Variants in SCHIP1 observed in about 807,000 individuals in gnomAD.
The protein encoded by SCHIP1 is schwannomin-interacting protein 1.
Under a neutral mutation model 29.7 loss-of-function variants are expected in SCHIP1, and 8 were observed. That is an observed-to-expected ratio of 0.27 (90% confidence interval 0.16 to 0.49). The LOEUF (loss-of-function observed/expected upper bound fraction) is 0.49, where lower values mean the gene tolerates loss of function less well. Ranked by LOEUF, SCHIP1 falls within the 20% of genes least tolerant of loss-of-function variation. The probability of loss-of-function intolerance (pLI) is 0.99; values close to 1 mark genes in which losing one functional copy is unlikely to be tolerated. For synonymous variants in SCHIP1, 76 were observed against 94.9 expected (o/e 0.80, Z 1.16); for missense variants, 193 against 294.6 (o/e 0.66, Z 2.52).
At chr3:159,866,448 C>T (rs1227388162) in intron 2 of SCHIP1, among the ~76,000 whole-genome samples, 167 bp downstream of exon 3, 3 of 151,916 alleles carry the variant, frequency 2.0e-5, no homozygotes, top group African/African-American at 7.3e-5. Flanking sequence ...ACTTGTTTGT[C>T]GGTTTCTTTG....
the SCHIP1 span, among the ~76,000 whole-genome samples, chr3:159,392,812 C>A: frequency 6.6e-6 from 1 of 152,246 alleles, no homozygotes; most frequent in African/African-American, 2.4e-5. Flanking sequence ...ATTTGTAGTC[C>A]TTTGGGTATA....
the SCHIP1 span, among the ~76,000 whole-genome samples, chr3:159,809,848 A>G: frequency 1.3e-5 from 2 of 152,056 alleles, no homozygotes; most frequent in Non-Finnish European, 2.9e-5. Context: ...AAAAAATACA[A>G]AAATTAGCTG....
chr3:159,605,662 A>C, the SCHIP1 span, among the ~76,000 whole-genome samples: 2 of 152,246 alleles, frequency 1.3e-5, no homozygotes, highest in African/African-American at 2.4e-5. Context: ...GGAAGAAAAA[A>C]ACAGCTACGT....
chr3:159,866,370 C>G, intron 2 of SCHIP1, 89 bp downstream of exon 3: 1 of 1,323,608 alleles, frequency 7.6e-7, no homozygotes, highest in Admixed American at 2.3e-5. Context: ...TTTAAATCTT[C>G]TGTAGTTTTT....
the SCHIP1 span, among the ~76,000 whole-genome samples, chr3:159,411,169 G>T: frequency 6.6e-6 from 1 of 152,030 alleles, no homozygotes; most frequent in Non-Finnish European, 1.5e-5. Flanking sequence ...TAATTAATAG[G>T]TTCAAAAATA....
At chr3:159,288,817 A>C in the SCHIP1 span, among the ~76,000 whole-genome samples, 1 of 152,214 alleles carries the variant, frequency 6.6e-6, no homozygotes, top group East Asian at 1.9e-4. Flanking sequence ...TGAACTGGCA[A>C]GGTGAATGGG....
the SCHIP1 span, among the ~76,000 whole-genome samples, chr3:159,525,507 C>A: frequency 2.0e-5 from 3 of 152,310 alleles, no homozygotes; most frequent in South Asian, 4.1e-4. Flanking sequence ...ATGGTCATAG[C>A]AAACACATAT....
the SCHIP1 span, among the ~76,000 whole-genome samples, chr3:159,791,132 T>C: frequency 1.3e-5 from 2 of 152,072 alleles, no homozygotes; most frequent in African/African-American, 2.4e-5. Flanking sequence ...CTCAAAGGAA[T>C]AGGGACCTCA....
At chr3:159,642,577 G>A in the SCHIP1 span, among the ~76,000 whole-genome samples, 1 of 152,062 alleles carries the variant, frequency 6.6e-6, no homozygotes, top group Non-Finnish European at 1.5e-5. Context: ...GTTATGATGT[G>A]GAAGGTTCTA....
At chr3:159,362,077 A>T in the SCHIP1 span, among the ~76,000 whole-genome samples, 1 of 152,210 alleles carries the variant, frequency 6.6e-6, no homozygotes, top group Non-Finnish European at 1.5e-5. Flanking sequence ...TACTGTAAAT[A>T]GAAAAAGTTA....
chr3:159,431,823 AG>A, the SCHIP1 span, among the ~76,000 whole-genome samples: 1 of 151,572 alleles, frequency 6.6e-6, no homozygotes, highest in Non-Finnish European at 1.5e-5. Flanking sequence ...AAAAAAAAAA[AG>A]TAGGTAAAAG....
At chr3:159,781,657 A>C in the SCHIP1 span, among the ~76,000 whole-genome samples, 1 of 152,368 alleles carries the variant, frequency 6.6e-6, no homozygotes. Context: ...GAGGAGTGGA[A>C]GTTGACAGGG....
the SCHIP1 span, among the ~76,000 whole-genome samples, chr3:159,450,993 A>G: frequency 6.6e-6 from 1 of 151,916 alleles, no homozygotes; most frequent in Non-Finnish European, 1.5e-5. Context: ...TATTTTTAGT[A>G]GAGACAGGGT....
At chr3:159,783,401 C>T in the SCHIP1 span, among the ~76,000 whole-genome samples, 11 of 152,224 alleles carry the variant, frequency 7.2e-5, no homozygotes, top group Non-Finnish European at 1.6e-4. Context: ...TGGAAAGTTT[C>T]ATGGAAACTG....
the SCHIP1 span, among the ~76,000 whole-genome samples, chr3:159,335,806 G>A: frequency 0.011 from 1,692 of 152,204 alleles, 18 homozygotes; most frequent in South Asian, 0.033. Flanking sequence ...ATAAGCATAC[G>A]TGTGCATGTG....
the SCHIP1 span, among the ~76,000 whole-genome samples, chr3:159,661,647 A>G: frequency 0.086 from 13,010 of 152,142 alleles, 1,651 homozygotes; most frequent in African/African-American, 0.27. Context: ...TATCTTAGGT[A>G]TGTATGGGGA....
the SCHIP1 span, among the ~76,000 whole-genome samples, chr3:159,553,877 T>G: frequency 3.3e-5 from 5 of 152,178 alleles, no homozygotes; most frequent in African/African-American, 1.2e-4. Context: ...CTCAGCTCAC[T>G]GCAACCTCAG....
intron 1 of SCHIP1, among the ~76,000 whole-genome samples, chr3:159,859,614 G>A (rs984631141): frequency 6.6e-6 from 1 of 152,206 alleles, no homozygotes; most frequent in Admixed American, 6.5e-5. Context: ...ATCATTAATT[G>A]CTTCAAAACA....
At chr3:159,405,956 T>TA in the SCHIP1 span, among the ~76,000 whole-genome samples, 1 of 150,896 alleles carries the variant, frequency 6.6e-6, no homozygotes, top group African/African-American at 2.4e-5. Context: ...AAAACGTGCC[T>TA]AAAAAATCTA....
Sources: gnomAD v4.1 joint callset for allele counts (sites outside exome capture counted in the v4.1 genomes callset) on GRCh38, gnomAD v4.1.1 for gene constraint, MANE v1.5 for transcripts, NCBI Gene and HGNC (gene_info 2026-07-23, HGNC 2026-07-21) for gene names.